Variants in AP1G1 observed in about 807,000 individuals in gnomAD.
AP1G1 encodes adaptor related protein complex 1 subunit gamma 1.
In AP1G1, 7 loss-of-function variants were observed where a neutral mutation model predicts 108.3. The ratio of observed to expected loss-of-function variants is 0.06; its 90% CI spans 0.04 to 0.12. The LOEUF (loss-of-function observed/expected upper bound fraction) is 0.12, where lower values mean the gene tolerates loss of function less well. AP1G1 is among the 10% of genes least tolerant of loss of function. AP1G1 has a pLI of 1.00. For missense variants in AP1G1, 756 were observed against 1,010.7 expected, an observed-to-expected ratio of 0.75 and a Z score of 3.42; for synonymous variants, 379 against 353.5, an observed-to-expected ratio of 1.07 and a Z score of -0.81.
chr16:71,794,415 TAAAAC>T (rs1037517741), intron 1 of AP1G1, among the ~76,000 whole-genome samples: 1 of 152,152 alleles, frequency 6.6e-6, no homozygotes, highest in African/African-American at 2.4e-5. Flanking sequence ...AAACATCTCT[TAAAAC>T]AAGGATGGAA....
rs756528630 is a variant in AP1G1, at chr16:71,733,168, G to C, written c.2368-9C>G. 1 of 1,609,476 alleles carries C rather than the reference G, an allele frequency of 6.2e-7. No individual in the cohort carries two copies. The highest frequency in any genetic ancestry group is 1.7e-5 in the Admixed American group (1 of 59,858). On this transcript the variant is annotated splice_polypyrimidine_tract_variant and intron_variant, in intron 22 of 22. Coordinates refer to ENST00000299980, the MANE Select transcript of AP1G1 (RefSeq NM_001128.6). ...CGCATTCGCAGCTGTTGCTATAAGA[G>C]GAAAAGAGAAGTGCAAATTATATAC...
At chr16:71,791,225 CAA>C (rs397941817) in intron 1 of AP1G1, among the ~76,000 whole-genome samples, 1 of 111,188 alleles carries the variant, frequency 9.0e-6, no homozygotes, top group Non-Finnish European at 2.0e-5. Context: ...CTCAAAAAAA[CAA>C]AAAAAAAAAA....
intron 1 of AP1G1, among the ~76,000 whole-genome samples, chr16:71,796,702 C>G (rs1224362247): frequency 2.0e-5 from 3 of 152,198 alleles, no homozygotes; most frequent in Non-Finnish European, 4.4e-5. Context: ...AGGCAGCCAG[C>G]TGGCATCCCT....
chr16:71,801,008 C>CA (rs2032776261), intron 1 of AP1G1, among the ~76,000 whole-genome samples: 1 of 151,616 alleles, frequency 6.6e-6, no homozygotes, highest in African/African-American at 2.4e-5. Context: ...AAAAACAAAA[C>CA]AAAAATGAAT....
chr16:71,765,834 T>C (rs2031289510), intron 6 of AP1G1, among the ~76,000 whole-genome samples: 1 of 152,210 alleles, frequency 6.6e-6, no homozygotes, highest in Non-Finnish European at 1.5e-5. Context: ...TATGTAAAGA[T>C]ATTACAAATA....
chr16:71,806,338 TTTG>T (rs1275359447), intron 1 of AP1G1, among the ~76,000 whole-genome samples: 2 of 152,222 alleles, frequency 1.3e-5, no homozygotes, highest in African/African-American at 4.8e-5. Flanking sequence ...TTGCTAGGAA[TTTG>T]TTAAGGCAAA....
At chr16:71,745,839 C>A (rs8045394) in intron 17 of AP1G1, among the ~76,000 whole-genome samples, 5,706 of 116,994 alleles carry the variant, frequency 0.049, 359 homozygotes, top group African/African-American at 0.15. Flanking sequence ...CCAGCTAAAT[C>A]CCAAAGCATA....
At chr16:71,764,483 T>C (rs1597058824) in intron 8 of AP1G1, 35 bp from the exon 9 acceptor site, 1 of 1,429,414 alleles carries the variant, frequency 7.0e-7, no homozygotes, top group Non-Finnish European at 9.7e-7. Flanking sequence ...ACATAAGTGA[T>C]AAAAACAATG....
intron 12 of AP1G1, 103 bp downstream of exon 12, chr16:71,755,916 C>G (rs1010126095): frequency 8.5e-6 from 11 of 1,299,208 alleles, no homozygotes; most frequent in Non-Finnish European, 1.2e-5. Context: ...ACTGCTGAGA[C>G]TGCAGGCGTG....
At chr16:71,799,318 A>T (rs531091193) in intron 1 of AP1G1, among the ~76,000 whole-genome samples, 2 of 152,214 alleles carry the variant, frequency 1.3e-5, no homozygotes, top group African/African-American at 4.8e-5. Flanking sequence ...TAAAAGCATC[A>T]GCATATAAGG....
chr16:71,736,098 C>CAAAA lies in AP1G1; in HGVS notation c.2269-1395_2269-1392dup, dbSNP rs1213680207. On this transcript the variant is annotated intron_variant, in intron 21 of 22. Transcript: ENST00000299980. ...TGGGTGACAGAGTGAGACTCCATCT[C>CAAAA]AAAAAAAAAAAAAAAAAAAATATAT... Among the ~76,000 whole-genome samples the CAAAA allele has an allele frequency of 2.8e-4, 7 of 25,418 alleles. 1 individual carries two copies. Among genetic ancestry groups the CAAAA allele is most frequent in the African/African-American group, 7.5e-4 (4 of 5,322 alleles). The allele number at this position is 25,418 out of a possible 152,430, so 16.7% of individuals were successfully genotyped here. A position where few individuals can be genotyped will look rare whatever the true frequency, so the allele number is the denominator to read the frequency against.
intron 2 of AP1G1, among the ~76,000 whole-genome samples, chr16:71,785,303 G>A (rs1311604702): frequency 1.3e-5 from 2 of 152,022 alleles, no homozygotes; most frequent in African/African-American, 4.8e-5. Flanking sequence ...TAGGCTGGGT[G>A]TGGTGGCTCA....
At chr16:71,754,365 G>A (rs906949153) in intron 12 of AP1G1, among the ~76,000 whole-genome samples, 2 of 151,646 alleles carry the variant, frequency 1.3e-5, no homozygotes, top group African/African-American at 4.9e-5. Context: ...AGAAAGGAAG[G>A]AAAGGAAAAG....
rs765286895 is a variant in AP1G1 at position 71,755,639 on chromosome 16, A to AT, written c.1229+379dup. Among the ~76,000 whole-genome samples, 50 of 150,230 alleles carry AT rather than the reference A, an allele frequency of 3.3e-4. No individual in the cohort carries two copies. The East Asian group carries it at 3.9e-3, about 12-fold the overall frequency. On this transcript the variant is annotated intron_variant, in intron 12 of 22. Coordinates refer to ENST00000299980, the MANE Select transcript of AP1G1 (RefSeq NM_001128.6). ...TAAACATATTTAAAGTAGTTTCCCC[A>AT]TTTTTTTTTTTTTGTTTTGTTTTTG... is the stretch of plus-strand genomic sequence containing the variant.
At position 71,732,212 on chromosome 16, in the gene AP1G1, C is replaced by G. The variant is rs1442189237; in HGVS notation, c.*846G>C. 1 of 152,292 alleles carries G rather than the reference C, an allele frequency of 6.6e-6. No homozygotes were observed. The highest frequency in any genetic ancestry group is 2.4e-5 in the African/African-American group (1 of 41,400). The allele number at this position is 152,292 out of a possible 1,614,324, so 9.4% of individuals were successfully genotyped here. On this transcript the variant is annotated 3_prime_UTR_variant, in exon 23 of 23. Transcript: ENST00000299980. ...TATGAATATATCTTTTAGAAGGTGA[C>G]CATTTTGCACTTTAAAGGGAATCAA...
intron 19 of AP1G1, among the ~76,000 whole-genome samples, 179 bp from the exon 20 acceptor site, chr16:71,739,520 CTG>C (rs1249201531): frequency 6.6e-6 from 1 of 152,006 alleles, no homozygotes; most frequent in Non-Finnish European, 1.5e-5. Context: ...CGAGCAACTT[CTG>C]TTTATTAAAA....
Position 71,731,112 on chromosome 16 carries a change from G to A in AP1G1, c.*1946C>T, listed in dbSNP as rs1341587238. 6.6e-6 allele frequency: 1 copy of A among 152,540 alleles called. No homozygotes were observed. The highest frequency in any genetic ancestry group is 2.4e-5 in the African/African-American group (1 of 41,456). The allele number at this position is 152,540 out of a possible 1,614,324, so 9.4% of individuals were successfully genotyped here. On this transcript the variant is annotated 3_prime_UTR_variant, in exon 23 of 23. Transcript: ENST00000299980. The stretch of plus-strand genomic sequence containing the variant: ...AGTATCCATCCAATGAAATCAGTCT[G>A]CAAAGAAACCCTTAAAGGCTATTTT...
At chr16:71,792,314 A>G (rs557197968) in intron 1 of AP1G1, among the ~76,000 whole-genome samples, 2 of 152,202 alleles carry the variant, frequency 1.3e-5, no homozygotes, top group African/African-American at 4.8e-5. Context: ...TTGGCATTCT[A>G]AACTGGTAAA....
chr16:71,773,345 G>C lies in AP1G1; in HGVS notation c.344C>G (p.Thr115Arg). 6.5e-7 allele frequency: 1 copy of C among 1,545,670 alleles called. No homozygotes were observed. The part of the protein sequence containing the change: ...NCIKNDLNHS[T>R]QFVQGLALCT... ...AAGTGCTAACCCCTGTACGAATTGC[G>C]TGCTATGATTAAGATCACTGCAAAA... Residue 115 changes from threonine to arginine, a missense_variant, in exon 4 of 23, where the codon ACG becomes AGG. By Grantham distance (71) the Thr-to-Arg change is moderately conservative (BLOSUM62 -1). Coordinates refer to ENST00000299980, the MANE Select transcript of AP1G1 (RefSeq NM_001128.6).
Sources: gnomAD v4.1 joint callset for allele counts (sites outside exome capture counted in the v4.1 genomes callset) on GRCh38, gnomAD v4.1.1 for gene constraint, MANE v1.5 for transcripts, NCBI Gene and HGNC (gene_info 2026-07-23, HGNC 2026-07-21) for gene names.